TRRAP: variants seen among roughly 807,000 people sequenced by gnomAD.
TRRAP encodes transformation/transcription domain-associated protein.
Under a neutral mutation model 438.8 loss-of-function variants are expected in TRRAP, and 41 were observed. That is an observed-to-expected ratio of 0.09 (90% CI 0.07 to 0.12). The LOEUF (loss-of-function observed/expected upper bound fraction) is 0.12, where lower values mean the gene tolerates loss of function less well. Ranked by LOEUF, TRRAP falls within the 10% of genes least tolerant of loss-of-function variation. TRRAP has a pLI of 1.00. For synonymous variants in TRRAP, 1,994 were observed against 1,962.9 expected, an observed-to-expected ratio of 1.02 and a Z score of -0.42; for missense variants, 3,122 against 5,055.1, an observed-to-expected ratio of 0.62 and a Z score of 11.60.
chr7:99,010,504 C>A (rs1395107800), intron 70 of TRRAP, among the ~76,000 whole-genome samples: 1 of 152,192 alleles, frequency 6.6e-6, no homozygotes, highest in Non-Finnish European at 1.5e-5. Flanking sequence ...CGTAGATGGC[C>A]TGTACCAGAT....
chr7:98,986,190 T>G (rs1351024317), intron 62 of TRRAP, among the ~76,000 whole-genome samples: 4 of 152,202 alleles, frequency 2.6e-5, no homozygotes, highest in Non-Finnish European at 5.9e-5. Context: ...CATGCAGCAG[T>G]TGATGGATGT....
intron 67 of TRRAP, among the ~76,000 whole-genome samples, chr7:98,996,700 T>C (rs1159901298): frequency 1.3e-5 from 2 of 152,252 alleles, no homozygotes; most frequent in Admixed American, 1.3e-4. Context: ...AACTATCTGG[T>C]TAAAACAAAA....
chr7:98,948,776 A>C lies in TRRAP; in HGVS notation c.4788+91A>C. 2 of 1,584,802 alleles carry C rather than the reference A, an allele frequency of 1.3e-6. No individual in the cohort carries two copies. Among genetic ancestry groups the C allele is most frequent in the Non-Finnish European group, 1.7e-6 (2 of 1,165,382 alleles). On this transcript the variant is annotated intron_variant, in intron 35 of 72. Transcript: ENST00000456197. The surrounding 1 kb of genome is among the most constrained non-coding windows in gnomAD (Gnocchi z 4.9). ...ATGTTCAGTTCATATTTCACTATTC[A>C]GTGTCCTGGCTGCTTTTTTTTCAGA...
At chr7:98,973,398 T>TTAGCCTCAGCTC (rs1351957385) in intron 53 of TRRAP, among the ~76,000 whole-genome samples, 5 of 152,192 alleles carry the variant, frequency 3.3e-5, no homozygotes, top group Non-Finnish European at 7.3e-5. Flanking sequence ...GGCCTCAGTT[T>TTAGCCTCAGCTC]TAGCCTCAGC....
chr7:98,910,226 T>TCCCCCCCCCC lies in TRRAP; in HGVS notation c.1523_1524insCCCCCCCCCC (p.Pro512ThrfsTer64). 3.7e-6 allele frequency: 1 copy of TCCCCCCCCCC among 271,752 alleles called. No individual in the cohort carries two copies. The highest frequency in any genetic ancestry group is 5.1e-6 in the Non-Finnish European group (1 of 195,588). 16.8% of individuals were successfully genotyped at this position (271,752 alleles called of 1,614,324 possible). ...CCCCAGCCCCTGTCCCTGCCCCACC[T>TCCCCCCCCCC]CCACCCCCGCCCCCACCCCCACCTG... is the stretch of plus-strand genomic sequence containing the variant. On this transcript the variant is annotated frameshift_variant, in exon 15 of 73. Transcript: ENST00000456197. LOFTEE classifies it high-confidence loss of function.
At position 98,976,039 on chromosome 7, in the gene TRRAP, T is replaced by C. The variant is rs1792640201; in HGVS notation, c.7840-110T>C. On this transcript the variant is annotated intron_variant, in intron 53 of 72. Coordinates refer to ENST00000456197, the MANE Select transcript of TRRAP (RefSeq NM_001375524.1). This position sits in a 1 kb window ranked among gnomAD's most constrained non-coding sequence, Gnocchi z 4.6. ...TCTCAGATCTTTGAAACTTTGAAAG[T>C]GGAGGAGCATCGGTAATGTATGAGA... 1 of 1,340,868 alleles carries C rather than the reference T, an allele frequency of 7.5e-7. No individual in the cohort carries two copies. Among genetic ancestry groups the C allele is most frequent in the Non-Finnish European group, 1.0e-6 (1 of 996,570 alleles). The allele number at this position is 1,340,868 out of a possible 1,614,324, so 83.1% of individuals were successfully genotyped here.
intron 9 of TRRAP, 77 bp downstream of exon 9, chr7:98,899,576 T>C: frequency 6.2e-7 from 1 of 1,603,852 alleles, no homozygotes; most frequent in Non-Finnish European, 8.5e-7. Context: ...AAAAGATGTG[T>C]ATAATACACA....
chr7:99,011,306 C>T lies in TRRAP; in HGVS notation c.11143-35C>T, dbSNP rs781690790. 3.1e-6 allele frequency: 5 copies of T among 1,612,634 alleles called. No individual in the cohort carries two copies. The highest frequency in any genetic ancestry group is 4.2e-6 in the Non-Finnish European group (5 of 1,178,666). ...CTCTCCTCGTGACATCGCCTTTCTG[C>T]TGAAGTTCCTAAAGTGTCTCCTTCT... On this transcript the variant is annotated intron_variant, in intron 71 of 72. Coordinates refer to ENST00000456197, the MANE Select transcript of TRRAP (RefSeq NM_001375524.1). The surrounding 1 kb of genome is among the most constrained non-coding windows in gnomAD (Gnocchi z 7.1).
chr7:98,968,801 G>A (rs376716373), intron 51 of TRRAP, among the ~76,000 whole-genome samples: 80 of 152,340 alleles, frequency 5.3e-4, no homozygotes, highest in Admixed American at 9.1e-4. Flanking sequence ...CTCTTGGCGC[G>A]TGTGCAGCGT....
In TRRAP at chr7:98,954,888, C is replaced by T. The variant is rs565910533; in HGVS notation, c.5731-210C>T. 9.2e-5 allele frequency among the ~76,000 whole-genome samples: 14 copies of T among 152,288 alleles called. No homozygotes were observed. In the South Asian group the frequency reaches 1.7e-3, roughly 18 times the overall value. On this transcript the variant is annotated intron_variant, in intron 40 of 72. Coordinates refer to ENST00000456197, the MANE Select transcript of TRRAP (RefSeq NM_001375524.1). ...GTCCTGGCCTAGTTCAGCACGGGCA[C>T]GTAGTAGGTGCATTATAAATACTAG...
At chr7:99,010,391 A>C (rs1277879189) in intron 70 of TRRAP, among the ~76,000 whole-genome samples, 1 of 152,156 alleles carries the variant, frequency 6.6e-6, no homozygotes, top group Non-Finnish European at 1.5e-5. Context: ...AACAAACTGC[A>C]TGTGTCGCCG....
At chr7:98,889,709 T>C (rs1795879879) in intron 3 of TRRAP, among the ~76,000 whole-genome samples, 2 of 151,998 alleles carry the variant, frequency 1.3e-5, no homozygotes, top group African/African-American at 4.8e-5. Flanking sequence ...CGTGCCACAA[T>C]GCCCAGCTTT....
At chr7:99,006,225 T>C (rs1047166510) in intron 69 of TRRAP, among the ~76,000 whole-genome samples, 1 of 152,246 alleles carries the variant, frequency 6.6e-6, no homozygotes, top group African/African-American at 2.4e-5. Flanking sequence ...CTTTTTAGCA[T>C]GTAATCCCTG....
At chr7:98,903,600 G>T in intron 12 of TRRAP, 83 bp downstream of exon 12, 1 of 1,571,856 alleles carries the variant, frequency 6.4e-7, no homozygotes, top group East Asian at 2.2e-5. Flanking sequence ...CCATAGTTGT[G>T]CTGTGAGGTT....
chr7:98,967,263 A>G, intron 50 of TRRAP, 101 bp downstream of exon 50: 1 of 1,461,192 alleles, frequency 6.8e-7, no homozygotes, highest in South Asian at 1.3e-5. Flanking sequence ...ACTCATACCT[A>G]AGTTTAAAAT....
intron 48 of TRRAP, among the ~76,000 whole-genome samples, chr7:98,965,291 T>C (rs1161111726): frequency 1.3e-5 from 2 of 152,210 alleles, no homozygotes; most frequent in Non-Finnish European, 2.9e-5. Flanking sequence ...GAGTTGCTGG[T>C]TCTGAAGAGT....
intron 3 of TRRAP, among the ~76,000 whole-genome samples, chr7:98,882,292 T>C (rs1416699050): frequency 1.3e-5 from 2 of 152,140 alleles, no homozygotes; most frequent in Non-Finnish European, 2.9e-5. Context: ...ATATGGTAGC[T>C]CTTTTAGGCT....
intron 53 of TRRAP, among the ~76,000 whole-genome samples, chr7:98,973,533 G>A (rs983226089): frequency 1.3e-5 from 2 of 152,280 alleles, no homozygotes; most frequent in East Asian, 1.9e-4. Flanking sequence ...ACACCTCCAC[G>A]TCCTCTGTGG....
intron 20 of TRRAP, among the ~76,000 whole-genome samples, chr7:98,919,601 C>CA (rs1271976896): frequency 7.9e-5 from 12 of 151,976 alleles, no homozygotes; most frequent in African/African-American, 1.7e-4. Context: ...GACCCTGTTT[C>CA]AAAAAAAACC....
Sources: gnomAD v4.1 joint callset for allele counts (sites outside exome capture counted in the v4.1 genomes callset) on GRCh38, gnomAD v4.1.1 for gene constraint, Gnocchi (gnomAD v3.1) non-coding constraint, MANE v1.5 for transcripts, NCBI Gene and HGNC (gene_info 2026-07-23, HGNC 2026-07-21) for gene names.